The following XKR6 variants were observed in gnomAD, a reference collection of about 807,000 sequenced individuals.
XKR6 encodes XK-related protein 6.
A neutral mutation model predicts 56.7 loss-of-function variants in XKR6; 22 were observed. That is an observed-to-expected ratio of 0.39 (90% CI 0.28 to 0.55). The LOEUF is 0.55. XKR6 is among the 20% of genes least tolerant of loss of function. XKR6 has a pLI of 0.66. For synonymous variants in XKR6, 524 were observed against 387.8 expected (o/e 1.35, Z -4.13); for missense variants, 852 against 889.0 (o/e 0.96, Z 0.53).
intron 1 of XKR6, among the ~76,000 whole-genome samples, chr8:10,969,016 T>A (rs1444988456): frequency 6.6e-6 from 1 of 152,208 alleles, no homozygotes; most frequent in Non-Finnish European, 1.5e-5. Flanking sequence ...AGAACTAAAA[T>A]TGTCAGAAAT....
intron 1 of XKR6, among the ~76,000 whole-genome samples, chr8:11,001,085 T>C (rs929801138): frequency 4.6e-5 from 7 of 152,202 alleles, no homozygotes; most frequent in Non-Finnish European, 8.8e-5. Context: ...GCTGGCCTCA[T>C]TGGATGACTT....
At chr8:11,136,504 C>G (rs555437550) in intron 1 of XKR6, among the ~76,000 whole-genome samples, 124 of 111,384 alleles carry the variant, frequency 1.1e-3, no homozygotes, top group African/African-American at 3.7e-3. Flanking sequence ...AACTCTGTCT[C>G]AAAAAAAAAA....
At chr8:11,086,148 A>ATATATATATATATATATATTTT (rs71203369) in intron 1 of XKR6, among the ~76,000 whole-genome samples, 15 of 120,740 alleles carry the variant, frequency 1.2e-4, no homozygotes, top group African/African-American at 4.7e-4. Context: ...ATATATATAT[A>ATATATATATATATATATATTTT]TTTTTTTTTA....
chr8:11,035,414 G>C (rs1424031351), intron 1 of XKR6: 14 of 503,084 alleles, frequency 2.8e-5, no homozygotes, highest in Non-Finnish European at 4.5e-5. Flanking sequence ...CCAGGAAAGA[G>C]AGAAGATTAA....
intron 1 of XKR6, among the ~76,000 whole-genome samples, chr8:10,946,200 T>A (rs181085472): frequency 6.6e-6 from 1 of 152,000 alleles, no homozygotes; most frequent in East Asian, 1.9e-4. Context: ...TGCACACAGG[T>A]TGCCCATGGG....
intron 1 of XKR6, among the ~76,000 whole-genome samples, chr8:10,946,517 T>C (rs1019560649): frequency 2.0e-5 from 3 of 151,924 alleles, no homozygotes; most frequent in Non-Finnish European, 4.4e-5. Context: ...AGGTTCTTCA[T>C]CCACCCCTCC....
At chr8:11,071,005 T>C (rs759476557) in intron 1 of XKR6, among the ~76,000 whole-genome samples, 6 of 152,344 alleles carry the variant, frequency 3.9e-5, no homozygotes, top group Non-Finnish European at 7.3e-5. Flanking sequence ...TGGCACACAG[T>C]GGGTACGGCT....
intron 1 of XKR6, among the ~76,000 whole-genome samples, chr8:11,087,383 T>C (rs1797924247): frequency 6.6e-6 from 1 of 152,212 alleles, no homozygotes; most frequent in Non-Finnish European, 1.5e-5. Flanking sequence ...AGGCTCAGGA[T>C]GAATTCCAAT....
chr8:11,011,279 C>A (rs1253791626), intron 1 of XKR6, among the ~76,000 whole-genome samples: 1 of 152,196 alleles, frequency 6.6e-6, no homozygotes. Context: ...GCAGGAGAGG[C>A]ACAGGAACCA....
intron 1 of XKR6, among the ~76,000 whole-genome samples, chr8:10,988,087 C>A (rs1422058631): frequency 6.6e-6 from 1 of 152,254 alleles, no homozygotes; most frequent in Non-Finnish European, 1.5e-5. Flanking sequence ...GGGCCATCCC[C>A]TCTAAAGTTT....
intron 1 of XKR6, among the ~76,000 whole-genome samples, chr8:11,085,338 A>G (rs892712139): frequency 6.6e-6 from 1 of 152,150 alleles, no homozygotes; most frequent in Non-Finnish European, 1.5e-5. Flanking sequence ...TGGTTGCCAC[A>G]TGCCATGGGG....
intron 1 of XKR6, among the ~76,000 whole-genome samples, chr8:10,964,231 G>C (rs977931985): frequency 6.6e-6 from 1 of 152,160 alleles, no homozygotes; most frequent in African/African-American, 2.4e-5. Flanking sequence ...GTGGTTGTGG[G>C]AGAAATGAAT....
intron 1 of XKR6, among the ~76,000 whole-genome samples, chr8:11,062,399 T>C (rs762723679): frequency 3.9e-5 from 6 of 152,162 alleles, no homozygotes; most frequent in Non-Finnish European, 8.8e-5. Flanking sequence ...TTTATTTGTA[T>C]GTTCCTTCAT....
chr8:11,115,021 GT>G (rs1329140187), intron 1 of XKR6, among the ~76,000 whole-genome samples: 1 of 152,140 alleles, frequency 6.6e-6, no homozygotes. Context: ...TGAGTCTGGA[GT>G]CGTCAGCCAT....
chr8:11,175,847 A>C (rs1353181024), intron 1 of XKR6, among the ~76,000 whole-genome samples: 1 of 152,202 alleles, frequency 6.6e-6, no homozygotes, highest in African/African-American at 2.4e-5. Flanking sequence ...CCAAGGTGCT[A>C]ATCAGCATTC....
intron 1 of XKR6, among the ~76,000 whole-genome samples, chr8:11,081,114 T>C (rs1469997278): frequency 6.6e-6 from 1 of 152,240 alleles, no homozygotes; most frequent in Non-Finnish European, 1.5e-5. Context: ...AGAAGCCGTC[T>C]ACCTCAAAAT....
chr8:11,082,605 A>G (rs542176467), intron 1 of XKR6, among the ~76,000 whole-genome samples: 1 of 152,294 alleles, frequency 6.6e-6, no homozygotes, highest in Non-Finnish European at 1.5e-5. Flanking sequence ...CCTCCAAATA[A>G]TGGGGGATTC....
At chr8:10,928,320 T>C (rs1800956631) in intron 1 of XKR6, among the ~76,000 whole-genome samples, 1 of 152,242 alleles carries the variant, frequency 6.6e-6, no homozygotes, top group African/African-American at 2.4e-5. Context: ...ACGCGGCTGC[T>C]GCTGTCCTCG....
At chr8:11,152,483 A>G (rs1162186674) in intron 1 of XKR6, among the ~76,000 whole-genome samples, 3 of 152,228 alleles carry the variant, frequency 2.0e-5, no homozygotes, top group Admixed American at 2.0e-4. Flanking sequence ...GAAGGAAAGA[A>G]GAAGGGAGAA....
Sources: allele counts gnomAD v4.1 joint callset (sites outside exome capture counted in the v4.1 genomes callset), GRCh38; gene constraint gnomAD v4.1.1; transcripts MANE v1.5; gene names NCBI Gene and HGNC (gene_info 2026-07-23, HGNC 2026-07-21).